Variants in C11orf65 observed in about 807,000 individuals in gnomAD.
C11orf65 encodes the protein protein MFI.
C11orf65 carries 38 observed loss-of-function variants against 35.3 expected under a neutral mutation model. The observed-to-expected ratio is 1.08, with a 90% CI of 0.83 to 1.41. The LOEUF is 1.41. C11orf65 is among the 40% of genes most tolerant of loss of function. The pLI, the probability that C11orf65 is intolerant of heterozygous loss-of-function variation, is 0.00. For missense variants in C11orf65, 370 were observed against 367.1 expected, an observed-to-expected ratio of 1.01 and a Z score of -0.06; for synonymous variants, 105 against 114.4, an observed-to-expected ratio of 0.92 and a Z score of 0.53.
At chr11:108,341,176 C>T (rs2087522057) in intron 2 of C11orf65, among the ~76,000 whole-genome samples, 1 of 152,020 alleles carries the variant, frequency 6.6e-6, no homozygotes, top group African/African-American at 2.4e-5. Context: ...CTTACCTGGT[C>T]TTTTGCAATT....
chr11:108,459,655 G>T (rs77021349), intron 2 of C11orf65, among the ~76,000 whole-genome samples: 3,157 of 150,684 alleles, frequency 0.021, 119 homozygotes, highest in African/African-American at 0.071. Context: ...CTTTGTTATG[G>T]ATTAACCTTC....
intron 3 of C11orf65, among the ~76,000 whole-genome samples, chr11:108,409,933 C>A (rs189280491): frequency 6.6e-6 from 1 of 152,252 alleles, no homozygotes; most frequent in African/African-American, 2.4e-5. Flanking sequence ...TCCACTAAAC[C>A]GGTCCCTGGC....
intron 3 of C11orf65, among the ~76,000 whole-genome samples, chr11:108,411,178 T>G (rs1253727620): frequency 6.6e-6 from 1 of 152,198 alleles, no homozygotes; most frequent in Non-Finnish European, 1.5e-5. Flanking sequence ...TGATGTCACA[T>G]TTTCATTATG....
intron 2 of C11orf65, among the ~76,000 whole-genome samples, chr11:108,441,571 C>G (rs990671739): frequency 2.6e-5 from 4 of 152,194 alleles, no homozygotes; most frequent in Non-Finnish European, 5.9e-5. Flanking sequence ...AGGCACCCCC[C>G]AGTAGGGGCA....
intron 2 of C11orf65, among the ~76,000 whole-genome samples, chr11:108,357,058 C>T (rs1226179071): frequency 6.6e-6 from 1 of 152,212 alleles, no homozygotes; most frequent in Non-Finnish European, 1.5e-5. Flanking sequence ...TAGGGAGCGC[C>T]AGACAGTGGG....
chr11:108,367,127 A>G, intron 2 of C11orf65: 1 of 179,358 alleles, frequency 5.6e-6, no homozygotes, highest in East Asian at 9.3e-5. Flanking sequence ...AGCTGGGACT[A>G]CAGGCGTGTG....
At chr11:108,443,307 G>A (rs370608881) in intron 2 of C11orf65, among the ~76,000 whole-genome samples, 2 of 152,156 alleles carry the variant, frequency 1.3e-5, no homozygotes, top group South Asian at 4.1e-4. Flanking sequence ...CAATACAGGA[G>A]CACCCAGATT....
intron 2 of C11orf65, among the ~76,000 whole-genome samples, chr11:108,438,138 A>AC (rs1308845304): frequency 6.6e-6 from 1 of 152,200 alleles, no homozygotes; most frequent in Non-Finnish European, 1.5e-5. Flanking sequence ...GGGTTTCAAA[A>AC]CCATTCAATG....
intron 1 of C11orf65, among the ~76,000 whole-genome samples, chr11:108,466,765 T>C (rs76722676): frequency 6.6e-6 from 1 of 152,340 alleles, no homozygotes; most frequent in East Asian, 1.9e-4. Flanking sequence ...ATTTTTACGC[T>C]TCGTGGAAAA....
rs1336202787 is a variant in C11orf65 at position 108,461,465 on chromosome 11, C to G, written c.81+14G>C. 2 of 1,573,572 alleles carry G rather than the reference C, an allele frequency of 1.3e-6. No individual in the cohort carries two copies. The highest frequency in any genetic ancestry group is 2.7e-5 in the African/African-American group (2 of 73,320). On this transcript the variant is annotated intron_variant, in intron 2 of 8. Transcript: ENST00000393084. Reference sequence around the variant, plus strand: ...TAAAAATTATATTTCAATAAAACTTCTAAATAAACTCACAAGGAAACTTTT... The same window carrying G: ...TAAAAATTATATTTCAATAAAACTTGTAAATAAACTCACAAGGAAACTTTT...
At chr11:108,408,502 C>T (rs996471001) in intron 3 of C11orf65, among the ~76,000 whole-genome samples, 2 of 151,326 alleles carry the variant, frequency 1.3e-5, no homozygotes, top group Admixed American at 1.3e-4. Context: ...ATGGTGAAAC[C>T]CTGTCTCTAC....
intron 6 of C11orf65, among the ~76,000 whole-genome samples, chr11:108,395,112 C>T (rs2092274496): frequency 6.7e-6 from 1 of 149,996 alleles, no homozygotes; most frequent in African/African-American, 2.5e-5. Flanking sequence ...GCCTGGGTAA[C>T]AGAGTGAGAC....
At chr11:108,408,571 G>T (rs2092589658) in intron 3 of C11orf65, among the ~76,000 whole-genome samples, 3 of 151,648 alleles carry the variant, frequency 2.0e-5, no homozygotes, top group African/African-American at 7.3e-5. Context: ...AGCTACTCTG[G>T]AGGCTGAGGC....
At chr11:108,336,967 A>G (rs1281279341) in intron 2 of C11orf65, among the ~76,000 whole-genome samples, 1 of 152,200 alleles carries the variant, frequency 6.6e-6, no homozygotes, top group Non-Finnish European at 1.5e-5. Context: ...TTCTCCTTCT[A>G]TAAATGTTGT....
intron 2 of C11orf65, among the ~76,000 whole-genome samples, chr11:108,371,619 A>C (rs889183535): frequency 2.0e-5 from 3 of 152,114 alleles, no homozygotes; most frequent in Non-Finnish European, 4.4e-5. Context: ...TATACTGTAT[A>C]TATTTTATTT....
intron 2 of C11orf65, among the ~76,000 whole-genome samples, chr11:108,448,817 T>C (rs1370881011): frequency 6.6e-6 from 1 of 152,138 alleles, no homozygotes. Flanking sequence ...TAAAGGGTAT[T>C]CAATTAGGAA....
intron 3 of C11orf65, among the ~76,000 whole-genome samples, chr11:108,410,042 A>G (rs1457637561): frequency 6.6e-6 from 1 of 152,146 alleles, no homozygotes; most frequent in Non-Finnish European, 1.5e-5. Flanking sequence ...TTTGCTTATG[A>G]TATTTTCACC....
At chr11:108,331,581 C>T (rs1161423460) in intron 3 of C11orf65, 1 of 1,583,088 alleles carries the variant, frequency 6.3e-7, no homozygotes, top group Non-Finnish European at 8.6e-7. Flanking sequence ...AAAATCAAAC[C>T]ACAATAATTA....
At chr11:108,330,348 A>G (rs2086128087), downstream of C11orf65, 1 of 1,614,196 alleles carries the variant, frequency 6.2e-7, no homozygotes, top group Non-Finnish European at 8.5e-7. Context: ...GAAGAACATG[A>G]TATGTGGGTA....
Sources: gnomAD v4.1 joint callset for allele counts (sites outside exome capture counted in the v4.1 genomes callset) on GRCh38, gnomAD v4.1.1 for gene constraint, MANE v1.5 for transcripts, NCBI Gene and HGNC (gene_info 2026-07-23, HGNC 2026-07-21) for gene names.